PTPRD: variants seen among roughly 807,000 people sequenced by gnomAD.
PTPRD encodes protein tyrosine phosphatase receptor type D.
A neutral mutation model predicts 214.5 loss-of-function variants in PTPRD; 34 were observed. The observed-to-expected ratio is 0.16, with a 90% CI of 0.12 to 0.21. PTPRD has a LOEUF of 0.21. PTPRD is among the 10% of genes least tolerant of loss of function. The pLI is 1.00. For synonymous variants in PTPRD, 1,128 were observed against 845.7 expected (o/e 1.33, Z -5.79); for missense variants, 2,545 against 2,398.7 (o/e 1.06, Z -1.27).
intron 8 of PTPRD, among the ~76,000 whole-genome samples, chr9:9,405,406 G>C (rs1035958191): frequency 1.3e-5 from 2 of 151,898 alleles, no homozygotes; most frequent in African/African-American, 2.4e-5. Flanking sequence ...ATCTAACTCC[G>C]GTAGAAGAAA....
chr9:10,466,568 A>G (rs939551657), intron 2 of PTPRD, among the ~76,000 whole-genome samples: 15 of 134,236 alleles, frequency 1.1e-4, no homozygotes, highest in African/African-American at 4.0e-4. Flanking sequence ...GGTTGCGGTG[A>G]GCCAAGATTG....
chr9:9,364,284 T>C (rs966573350), intron 9 of PTPRD, among the ~76,000 whole-genome samples: 2 of 151,448 alleles, frequency 1.3e-5, no homozygotes, highest in South Asian at 2.1e-4. Context: ...CACTGTTCTA[T>C]ACCCTGGATT....
intron 3 of PTPRD, among the ~76,000 whole-genome samples, chr9:10,251,695 T>G: frequency 6.6e-6 from 1 of 152,230 alleles, no homozygotes; most frequent in East Asian, 1.9e-4. Flanking sequence ...TGAGTCACTT[T>G]GAACAGATTA....
intron 37 of PTPRD, among the ~76,000 whole-genome samples, chr9:8,383,346 A>G (rs1309996027): frequency 2.0e-5 from 3 of 152,150 alleles, no homozygotes; most frequent in Non-Finnish European, 4.4e-5. Flanking sequence ...GAAGTGTTCC[A>G]CCAGCCAAAT....
At chr9:9,202,263 T>C (rs1172638786) in intron 9 of PTPRD, among the ~76,000 whole-genome samples, 1 of 152,200 alleles carries the variant, frequency 6.6e-6, no homozygotes, top group African/African-American at 2.4e-5. Flanking sequence ...TCAGATCTAT[T>C]GCAGTCTTAC....
chr9:8,836,889 A>C (rs2097437609), intron 11 of PTPRD, among the ~76,000 whole-genome samples: 1 of 151,882 alleles, frequency 6.6e-6, no homozygotes, highest in South Asian at 2.1e-4. Context: ...AAAAGTAAAC[A>C]ACCTTTAGAA....
chr9:10,512,649 T>A (rs2048688632), intron 2 of PTPRD, among the ~76,000 whole-genome samples: 2 of 152,046 alleles, frequency 1.3e-5, no homozygotes, highest in African/African-American at 4.8e-5. Flanking sequence ...AGAAAATAGG[T>A]CAATTTGTTG....
intron 11 of PTPRD, among the ~76,000 whole-genome samples, chr9:9,016,230 AGT>A: frequency 6.6e-6 from 1 of 152,284 alleles, no homozygotes; most frequent in African/African-American, 2.4e-5. Flanking sequence ...TCTCCACACC[AGT>A]GTGGATAAAA....
At chr9:10,410,794 G>A (rs2154506927) in intron 2 of PTPRD, among the ~76,000 whole-genome samples, 1 of 151,852 alleles carries the variant, frequency 6.6e-6, no homozygotes, top group Admixed American at 6.6e-5. Flanking sequence ...CATTGGAAAT[G>A]CCAAAACCAA....
chr9:9,935,467 C>A (rs1484137505), intron 5 of PTPRD, among the ~76,000 whole-genome samples: 2 of 151,898 alleles, frequency 1.3e-5, no homozygotes, highest in Non-Finnish European at 2.9e-5. Flanking sequence ...GAGTGAACTC[C>A]CATTCACAAT....
At chr9:10,467,909 A>G (rs1479863621) in intron 2 of PTPRD, among the ~76,000 whole-genome samples, 1 of 152,224 alleles carries the variant, frequency 6.6e-6, no homozygotes, top group African/African-American at 2.4e-5. Flanking sequence ...AAATCTCATC[A>G]TCATTGGTCA....
At chr9:10,224,731 C>T (rs553231635) in intron 3 of PTPRD, among the ~76,000 whole-genome samples, 3 of 152,116 alleles carry the variant, frequency 2.0e-5, no homozygotes, top group South Asian at 4.1e-4. Flanking sequence ...TTCACTTCCA[C>T]TGAGACAGGA....
chr9:10,123,006 G>T (rs1030572445), intron 3 of PTPRD, among the ~76,000 whole-genome samples: 15 of 152,338 alleles, frequency 9.8e-5, no homozygotes, highest in African/African-American at 3.4e-4. Context: ...TTACACATCT[G>T]CTGATGAGGC....
At chr9:10,559,584 T>A (rs1211858299) in intron 2 of PTPRD, among the ~76,000 whole-genome samples, 1 of 152,232 alleles carries the variant, frequency 6.6e-6, no homozygotes. Context: ...AAAGAGCTTC[T>A]GCACAGCAAA....
At chr9:8,996,230 G>A (rs1027021203) in intron 11 of PTPRD, among the ~76,000 whole-genome samples, 2 of 151,960 alleles carry the variant, frequency 1.3e-5, no homozygotes, top group African/African-American at 4.8e-5. Context: ...TCCTTCAACT[G>A]GTGAATGGAT....
intron 10 of PTPRD, among the ~76,000 whole-genome samples, chr9:9,174,063 T>C (rs2099923123): frequency 6.6e-6 from 1 of 152,158 alleles, no homozygotes; most frequent in Admixed American, 6.5e-5. Flanking sequence ...TAAAAAATAC[T>C]ATGAGAAGTA....
chr9:9,698,952 T>G (rs1367329144), intron 7 of PTPRD, among the ~76,000 whole-genome samples: 1 of 152,210 alleles, frequency 6.6e-6, no homozygotes, highest in Admixed American at 6.5e-5. Flanking sequence ...TGCTAGAAGT[T>G]CGGTAATTCA....
At chr9:10,474,726 A>T (rs562942029) in intron 2 of PTPRD, among the ~76,000 whole-genome samples, 39 of 152,262 alleles carry the variant, frequency 2.6e-4, no homozygotes, top group African/African-American at 8.7e-4. Context: ...CAGACCACAT[A>T]ATTTGAAGTA....
At chr9:8,532,505 A>C (rs1296773660) in intron 14 of PTPRD, among the ~76,000 whole-genome samples, 3 of 152,098 alleles carry the variant, frequency 2.0e-5, no homozygotes, top group African/African-American at 7.2e-5. Context: ...CACAGGAAAA[A>C]GCAGCTAGCA....
Sources: allele counts gnomAD v4.1 joint callset (sites outside exome capture counted in the v4.1 genomes callset), GRCh38; gene constraint gnomAD v4.1.1; transcripts MANE v1.5; gene names NCBI Gene and HGNC (gene_info 2026-07-23, HGNC 2026-07-21).